Variants in ZNF227 observed in about 807,000 individuals in gnomAD.
ZNF227 encodes the protein zinc finger protein 227.
A neutral mutation model predicts 13.2 loss-of-function variants in ZNF227; 12 were observed. The observed-to-expected ratio is 0.91, with a 90% CI of 0.58 to 1.47. The LOEUF (loss-of-function observed/expected upper bound fraction) is 1.47. Ranked by LOEUF, ZNF227 falls within the 40% of genes most tolerant of loss-of-function variation. The pLI, the probability that ZNF227 is intolerant of heterozygous loss-of-function variation, is 0.00. For synonymous variants in ZNF227, 338 were observed against 326.0 expected, an observed-to-expected ratio of 1.04 and a Z score of -0.40; for missense variants, 885 against 967.5, an observed-to-expected ratio of 0.91 and a Z score of 1.13.
At chr19:44,220,335 G>A (rs903901659) in intron 3 of ZNF227, among the ~76,000 whole-genome samples, 8 of 152,060 alleles carry the variant, frequency 5.3e-5, no homozygotes, top group African/African-American at 1.9e-4. Flanking sequence ...TCTAGTTCTA[G>A]ATCCCTGAGG....
Position 44,228,437 on chromosome 19 carries a change from A to C in ZNF227, c.61-9A>C. On this transcript the variant is annotated splice_polypyrimidine_tract_variant and intron_variant, in intron 3 of 5. Transcript: ENST00000313040. The stretch of plus-strand genomic sequence containing the variant: ...GTAAGATTGAGGTTACATGTGTTTG[A>C]TATTGTAGGAGGCTGTGACATTCAA... The C allele has an allele frequency of 6.2e-7, 1 of 1,608,712 alleles. No individual in the cohort carries two copies. The highest frequency in any genetic ancestry group is 8.5e-7 in the Non-Finnish European group (1 of 1,178,588).
In ZNF227 at chr19:44,224,994, C is replaced by A. The variant is rs560217558; in HGVS notation, c.61-3452C>A. Among the ~76,000 whole-genome samples the A allele has an allele frequency of 4.1e-3, 627 of 151,798 alleles. 2 individuals carry two copies. Among genetic ancestry groups the A allele is most frequent in the African/African-American group, 0.015 (608 of 41,378 alleles). On this transcript the variant is annotated intron_variant, in intron 3 of 5. Coordinates refer to ENST00000313040, the MANE Select transcript of ZNF227 (RefSeq NM_182490.3). ...ACAAAATCTCTCAGCATTTGCTTGT[C>A]TGTAAAGTATTTTATTTCTCCTTCA...
chr19:44,214,815 G>A (rs1256024094), intron 2 of ZNF227, among the ~76,000 whole-genome samples: 1 of 147,666 alleles, frequency 6.8e-6, no homozygotes, highest in Non-Finnish European at 1.5e-5. Flanking sequence ...AAATTAGAGT[G>A]TCTTAAAGCA....
Position 44,236,026 on chromosome 19 carries a change from C to T in ZNF227, c.1596C>T (p.Ser532=), listed in dbSNP as rs774679433. The change falls in exon 6 of 6, where the codon TCC becomes TCT. Residue 532 remains serine (S), a synonymous_variant. Transcript: ENST00000313040. ...CGTGTGGGAAGGGCTTCAGTCAGTC[C>T]TCAAAGCTTCAAACCCATCAGCGAG... is the stretch of plus-strand genomic sequence containing the variant. ...CETCGKGFSQ[S]SKLQTHQRVH... is the part of the protein sequence containing the mutation. 1 of 1,608,198 alleles carries T rather than the reference C, an allele frequency of 6.2e-7. No homozygotes were observed. Among genetic ancestry groups the T allele is most frequent in the Non-Finnish European group, 8.5e-7 (1 of 1,178,294 alleles).
chr19:44,220,212 C>CTT (rs1169359489), intron 3 of ZNF227, among the ~76,000 whole-genome samples: 1 of 152,130 alleles, frequency 6.6e-6, no homozygotes, highest in African/African-American at 2.4e-5. Context: ...CAAGTCTTTG[C>CTT]TATTGTGAAT....
intron 5 of ZNF227, among the ~76,000 whole-genome samples, chr19:44,233,788 C>T (rs182309568): frequency 6.4e-4 from 97 of 152,106 alleles, no homozygotes; most frequent in Middle Eastern, 3.4e-3. Context: ...CCCCGCTACC[C>T]GGGAGGCTGA....
intron 3 of ZNF227, among the ~76,000 whole-genome samples, chr19:44,223,847 T>C (rs1168802636): frequency 2.0e-5 from 3 of 152,094 alleles, no homozygotes; most frequent in Non-Finnish European, 4.4e-5. Flanking sequence ...GTTCTTTTAA[T>C]TGTGATGTTA....
At chr19:44,225,272 C>T (rs1204871977) in intron 3 of ZNF227, among the ~76,000 whole-genome samples, 1 of 151,888 alleles carries the variant, frequency 6.6e-6, no homozygotes, top group Non-Finnish European at 1.5e-5. Context: ...CGAGGAGTAT[C>T]TTTGTGGCGT....
At position 44,236,646 on chromosome 19, in the gene ZNF227, C is replaced by T; in HGVS notation, c.2216C>T (p.Thr739Ile). The T allele has an allele frequency of 6.2e-7, 1 of 1,613,900 alleles. No individual in the cohort carries two copies. Among genetic ancestry groups the T allele is most frequent in the South Asian group, 1.1e-5 (1 of 91,068 alleles). ...SNLRVHLGVH[T>I]REKLFKCEEC... The stretch of plus-strand genomic sequence containing the variant: ...CTTCGAGTCCACCTGGGTGTTCACA[C>T]CAGGGAAAAACTCTTTAAATGTGAA... Residue 739 changes from threonine to isoleucine, a missense_variant, in exon 6 of 6, where the codon ACC (threonine) becomes ATC (isoleucine). Transcript: ENST00000313040.
intron 3 of ZNF227, among the ~76,000 whole-genome samples, chr19:44,223,255 G>A (rs1185905573): frequency 6.6e-6 from 1 of 152,166 alleles, no homozygotes; most frequent in African/African-American, 2.4e-5. Context: ...CCTGGCTTTG[G>A]TATCAGGATG....
In ZNF227 at chr19:44,236,841, T is replaced by C; in HGVS notation, c.*11T>C. On this transcript the variant is annotated 3_prime_UTR_variant, in exon 6 of 6. Transcript: ENST00000313040. ...GGTAAAAAGCTTTAGAAATGAGAAA[T>C]GTGTTACCAACTTTTGTCTGAATGC... is the stretch of plus-strand genomic sequence containing the variant. 1 of 1,543,418 alleles carries C rather than the reference T, an allele frequency of 6.5e-7. No homozygotes were observed. The highest frequency in any genetic ancestry group is 8.7e-7 in the Non-Finnish European group (1 of 1,147,092).
intron 2 of ZNF227, 200 bp from the exon 3 acceptor site, chr19:44,217,591 C>T (rs757492690): frequency 1.4e-6 from 1 of 731,596 alleles, no homozygotes; most frequent in Non-Finnish European, 2.5e-6. Flanking sequence ...AGCAAGGATG[C>T]TGCACTTGTG....
Position 44,235,362 on chromosome 19 carries a change from T to C in ZNF227, c.932T>C (p.Phe311Ser). The change falls in exon 6 of 6, where the codon TTT (phenylalanine) becomes TCT (serine). Residue 311 changes from phenylalanine to serine, a missense_variant. By Grantham distance (155) the Phe-to-Ser change is radical. Coordinates refer to ENST00000313040, the MANE Select transcript of ZNF227 (RefSeq NM_182490.3). ...GGTGATTGCTTCAATAAGAGCTCTT[T>C]TCATTCTTATCAATCTAATCATACA... ...ESGDCFNKSS[F>S]HSYQSNHTGE... is the part of the protein sequence containing the mutation. 1 of 1,614,208 alleles carries C rather than the reference T, an allele frequency of 6.2e-7. No individual in the cohort carries two copies. The highest frequency in any genetic ancestry group is 1.3e-5 in the African/African-American group (1 of 75,048).
At chr19:44,209,674 C>T (rs1314052626), upstream of ZNF227, among the ~76,000 whole-genome samples, 8 of 152,192 alleles carry the variant, frequency 5.3e-5, no homozygotes, top group Non-Finnish European at 1.0e-4. Flanking sequence ...GCAAGCTCCA[C>T]CTCCCGGGTT....
intron 2 of ZNF227, 50 bp from the exon 3 acceptor site, chr19:44,217,741 C>T: frequency 6.3e-7 from 1 of 1,591,610 alleles, no homozygotes; most frequent in Non-Finnish European, 8.6e-7. Flanking sequence ...CATATGTACA[C>T]ATGGGCTAAC....
Position 44,230,953 on chromosome 19 carries a change from A to C in ZNF227, c.271+1137A>C, listed in dbSNP as rs1002408191. Among the ~76,000 whole-genome samples, 13 of 129,216 alleles carry C rather than the reference A, an allele frequency of 1.0e-4. 1 individual carries two copies. Among genetic ancestry groups the C allele is most frequent in the Admixed American group, 3.3e-4 (4 of 12,306 alleles). 84.8% of individuals were successfully genotyped at this position (129,216 alleles called of 152,430 possible). A position where few individuals can be genotyped will look rare whatever the true frequency, so the allele number is the denominator to read the frequency against. ...TATATATATATATATATATATATAT[A>C]TCTTAGCCAGGCATGTTAGCATACA... On this transcript the variant is annotated intron_variant, in intron 5 of 5. Transcript: ENST00000313040.
At chr19:44,215,690 A>G (rs1568592042) in intron 2 of ZNF227, among the ~76,000 whole-genome samples, 2 of 152,210 alleles carry the variant, frequency 1.3e-5, no homozygotes, top group South Asian at 2.1e-4. Flanking sequence ...ACTAAAAAAA[A>G]TCTGAAAGAA....
At chr19:44,227,787 A>T (rs577643878) in intron 3 of ZNF227, among the ~76,000 whole-genome samples, 21 of 152,210 alleles carry the variant, frequency 1.4e-4, no homozygotes, top group Non-Finnish European at 2.9e-4. Context: ...TTGAAATTTG[A>T]ACCTGGCCAG....
chr19:44,234,435 C>CTT (rs1306068064), intron 5 of ZNF227, among the ~76,000 whole-genome samples: 1 of 152,122 alleles, frequency 6.6e-6, no homozygotes, highest in Non-Finnish European at 1.5e-5. Flanking sequence ...CTGATTTTAG[C>CTT]TTTTAGCTCT....
Sources: allele counts gnomAD v4.1 joint callset (sites outside exome capture counted in the v4.1 genomes callset), GRCh38; gene constraint gnomAD v4.1.1; transcripts MANE v1.5; gene names NCBI Gene and HGNC (gene_info 2026-07-23, HGNC 2026-07-21).